The following CTCFL variants were observed in gnomAD, a reference collection of about 807,000 sequenced individuals.
CTCFL encodes the protein transcriptional repressor CTCFL.
A neutral mutation model predicts 67.4 loss-of-function variants in CTCFL; 36 were observed. That is an observed-to-expected ratio of 0.53 (90% CI 0.41 to 0.71). The LOEUF (loss-of-function observed/expected upper bound fraction) is 0.71, where lower values mean the gene tolerates loss of function less well. Among genes scored for constraint, CTCFL ranks in the 30% least tolerant of loss-of-function variants. The pLI is 0.00. For missense variants in CTCFL, 786 were observed against 835.2 expected (o/e 0.94, Z 0.73); for synonymous variants, 324 against 302.3 (o/e 1.07, Z -0.75).
chr20:57,503,202 A>G (rs911328682), intron 10 of CTCFL, among the ~76,000 whole-genome samples: 1 of 152,236 alleles, frequency 6.6e-6, no homozygotes, highest in East Asian at 1.9e-4. Flanking sequence ...GCGATGGAAG[A>G]GGGCTCCTCG....
chr20:57,513,655 CA>C, intron 7 of CTCFL: 1 of 1,181,706 alleles, frequency 8.5e-7, no homozygotes, highest in Non-Finnish European at 1.1e-6. Flanking sequence ...GTATCTACGG[CA>C]ACAATGACAG....
intron 6 of CTCFL, chr20:57,515,185 C>T (rs1158843412): frequency 1.2e-5 from 2 of 162,316 alleles, no homozygotes; most frequent in Non-Finnish European, 2.7e-5. Flanking sequence ...CACTCTGTCA[C>T]CCAGGCTGGA....
At chr20:57,505,765 A>G (rs1390414577) in intron 9 of CTCFL, among the ~76,000 whole-genome samples, 2 of 152,194 alleles carry the variant, frequency 1.3e-5, no homozygotes, top group Non-Finnish European at 2.9e-5. Context: ...AAAGCCAAAG[A>G]CTTCCCCTAG....
rs138536543 is a variant in CTCFL, at chr20:57,521,712, C to A, written c.754+1356G>T. Among the ~76,000 whole-genome samples the A allele has an allele frequency of 6.6e-5, 10 of 152,284 alleles. No homozygotes were observed. In the East Asian group the frequency reaches 1.7e-3, roughly 26 times the overall value. ...GAAGGGATAAATAAAATGTGCTATA[C>A]CCATACAGGGATTATTACTTAGCCA... On this transcript the variant is annotated intron_variant, in intron 3 of 10. Transcript: ENST00000243914.
intron 2 of CTCFL, 54 bp downstream of exon 2, chr20:57,523,609 G>C (rs1371028253): frequency 6.4e-7 from 1 of 1,559,484 alleles, no homozygotes; most frequent in Admixed American, 1.9e-5. Flanking sequence ...CATAAAAGCC[G>C]ACTTGAATTT....
At chr20:57,499,900 TC>T in intron 10 of CTCFL, 1 of 929,440 alleles carries the variant, frequency 1.1e-6, no homozygotes, top group Non-Finnish European at 1.3e-6. Flanking sequence ...CACCCACTGC[TC>T]ACCTCCTGCT....
At chr20:57,513,624 A>T in intron 7 of CTCFL, 1 of 1,166,584 alleles carries the variant, frequency 8.6e-7, no homozygotes, top group Non-Finnish European at 1.1e-6. Flanking sequence ...GCCCCACTGG[A>T]CTGTGTTTTG....
At position 57,525,134 on chromosome 20, in the gene CTCFL, C is replaced by G. The variant is rs1308791973; in HGVS notation, c.-118G>C. The G allele has an allele frequency of 1.3e-5, 2 of 150,760 alleles. No individual in the cohort carries two copies. The highest frequency in any genetic ancestry group is 4.9e-5 in the African/African-American group (2 of 40,816). The allele number at this position is 150,760 out of a possible 1,614,324, so 9.3% of individuals were successfully genotyped here. On this transcript the variant is annotated 5_prime_UTR_variant, in exon 1 of 11. Transcript: ENST00000243914. ...ACAGCCGGCCGCCGCCGGGCTGGCG[C>G]GAGAGTGGAGGGTGGCAGTGCGCAG...
In CTCFL at chr20:57,502,222, G is replaced by C. The variant is rs1015964044; in HGVS notation, c.1840+1214C>G. On this transcript the variant is annotated intron_variant, in intron 10 of 10. Transcript: ENST00000243914. ...GCTTTGCCAGATGGTGAGACGCAGA[G>C]AAAGAGTGGGGGAGTGCTGCCTGTG... Among the ~76,000 whole-genome samples the C allele has an allele frequency of 3.3e-5, 5 of 152,222 alleles. No homozygotes were observed. In the South Asian group the frequency reaches 1.0e-3, roughly 32 times the overall value.
intron 1 of CTCFL, chr20:57,524,625 G>C (rs2069714492): frequency 2.0e-6 from 2 of 1,023,006 alleles, no homozygotes; most frequent in Non-Finnish European, 1.2e-6. Context: ...CTCTCGGCCA[G>C]TGCATATCCT....
intron 7 of CTCFL, chr20:57,513,287 T>C (rs1369794123): frequency 1.0e-6 from 1 of 985,980 alleles, no homozygotes; most frequent in Non-Finnish European, 1.2e-6. Context: ...TTTCCTATGT[T>C]GAAATTAACC....
rs778855982 is a variant in CTCFL at position 57,514,611 on chromosome 20, A to G, written c.1311T>C (p.Ile437=). 3 of 1,614,060 alleles carry G rather than the reference A, an allele frequency of 1.9e-6. No homozygotes were observed. The highest frequency in any genetic ancestry group is 1.7e-5 in the Admixed American group (1 of 60,002). Reference sequence around the variant, plus strand: ...ACTCACGTAGGTCGCTTTTCCGTGCAATGATGGTGGCACAATGGGGACACT... The same window carrying G: ...ACTCACGTAGGTCGCTTTTCCGTGCGATGATGGTGGCACAATGGGGACACT... ...KYQCPHCATI[I]ARKSDLRVHM... Residue 437 remains isoleucine (I), a synonymous_variant, in exon 7 of 11, where the codon ATT becomes ATC. Coordinates refer to ENST00000243914, the MANE Select transcript of CTCFL (RefSeq NM_001386993.1).
chr20:57,507,815 G>T (rs948975532), intron 9 of CTCFL: 1 of 702,904 alleles, frequency 1.4e-6, no homozygotes, highest in Non-Finnish European at 2.6e-6. Flanking sequence ...AAATGTTTGT[G>T]GTTTTAAGCC....
Position 57,523,854 on chromosome 20 carries a change from C to G in CTCFL, c.352G>C (p.Gly118Arg). 6.2e-7 allele frequency: 1 copy of G among 1,613,228 alleles called. No individual in the cohort carries two copies. Among genetic ancestry groups the G allele is most frequent in the Non-Finnish European group, 8.5e-7 (1 of 1,180,040 alleles). Residue 118 changes from glycine (G) to arginine (R), a missense_variant, in exon 2 of 11, where the codon GGG becomes CGG. Physicochemically the swap from Gly to Arg is moderately radical, Grantham distance 125. This residue lies in a region of CTCFL where 333 missense variants were observed against 304.6 expected (regional missense o/e 1.09). Transcript: ENST00000243914. ...GGCCCTTCCTCAAGCCACAGCAACCCAGGGCCAGGCTGTTGCACCACCACC... is the reference window on the plus strand; with the variant it reads ...GGCCCTTCCTCAAGCCACAGCAACCGAGGGCCAGGCTGTTGCACCACCACC... ...VQVVVQQPGP[G>R]LLWLEEGPRQ...
chr20:57,504,541 C>G (rs1568853623), intron 9 of CTCFL, among the ~76,000 whole-genome samples: 1 of 151,800 alleles, frequency 6.6e-6, no homozygotes, highest in Non-Finnish European at 1.5e-5. Context: ...CTTGGCCTCC[C>G]AAAGTGCTGA....
intron 5 of CTCFL, chr20:57,518,419 C>T (rs932032823): frequency 2.1e-6 from 2 of 940,412 alleles, no homozygotes; most frequent in Admixed American, 3.5e-5. Context: ...CTGCATTCTA[C>T]GTTAGAGCAA....
At chr20:57,515,061 C>A (rs1039849274) in intron 6 of CTCFL, 4 of 294,626 alleles carry the variant, frequency 1.4e-5, no homozygotes, top group South Asian at 1.1e-4. Context: ...ACATCAAGTA[C>A]CTCTGTTACA....
At chr20:57,524,303 G>C (rs369071201) in intron 1 of CTCFL, 87 bp from the exon 2 acceptor site, 27 of 1,518,918 alleles carry the variant, frequency 1.8e-5, no homozygotes, top group African/African-American at 1.4e-4. Flanking sequence ...AACCTAGCAG[G>C]CTTTGGAGTT....
At chr20:57,513,098 A>T in intron 7 of CTCFL, 1 of 269,284 alleles carries the variant, frequency 3.7e-6, no homozygotes, top group Non-Finnish European at 6.1e-6. Context: ...GTATGGAGTT[A>T]AATGTTATAT....
Sources: allele counts gnomAD v4.1 joint callset (sites outside exome capture counted in the v4.1 genomes callset), GRCh38; gene constraint gnomAD v4.1.1; regional missense constraint gnomAD v4.1.1; transcripts MANE v1.5; gene names NCBI Gene and HGNC (gene_info 2026-07-23, HGNC 2026-07-21).